PCDHA7: variants seen among roughly 807,000 people sequenced by gnomAD.
PCDHA7 encodes protocadherin alpha 7.
PCDHA7 carries 37 observed loss-of-function variants against 57.2 expected under a neutral mutation model. The observed-to-expected ratio is 0.65, with a 90% confidence interval of 0.50 to 0.85. The LOEUF (loss-of-function observed/expected upper bound fraction) is 0.85, where lower values mean the gene tolerates loss of function less well. Ranked by LOEUF, PCDHA7 falls within the 40% of genes least tolerant of loss-of-function variation. The pLI, the probability that PCDHA7 is intolerant of heterozygous loss-of-function variation, is 0.00. For missense variants in PCDHA7, 1,188 were observed against 1,241.8 expected (o/e 0.96, Z 0.65); for synonymous variants, 553 against 558.8 (o/e 0.99, Z 0.15).
intron 1 of PCDHA7, chr5:140,864,760 T>C (rs1282604676): frequency 6.6e-6 from 1 of 152,230 alleles, no homozygotes; most frequent in Non-Finnish European, 1.5e-5. Flanking sequence ...TCATTTTTCT[T>C]TCATTTTTGG....
intron 1 of PCDHA7, chr5:140,865,687 A>G (rs924237080): frequency 3.3e-5 from 5 of 152,204 alleles, no homozygotes; most frequent in African/African-American, 1.2e-4. Flanking sequence ...AGTACATATG[A>G]CTGTTCCAAT....
chr5:140,843,680 G>T, intron 1 of PCDHA7: 1 of 1,588,882 alleles, frequency 6.3e-7, no homozygotes, highest in East Asian at 2.2e-5. Flanking sequence ...TGATGTAGGC[G>T]AAGAGCAAGA....
chr5:140,989,517 G>A (rs782479733), intron 3 of PCDHA7, among the ~76,000 whole-genome samples: 4 of 152,186 alleles, frequency 2.6e-5, no homozygotes, highest in Non-Finnish European at 5.9e-5. Flanking sequence ...CCTGAGTTGA[G>A]GGCAGAGGAG....
chr5:140,922,726 C>T lies in PCDHA7; in HGVS notation c.2356-56223C>T, dbSNP rs118091551. On this transcript the variant is annotated intron_variant, in intron 1 of 3. Coordinates refer to ENST00000525929, the MANE Select transcript of PCDHA7 (RefSeq NM_018910.3). ...GTCAAGAACAAAAAGAAACACTTGA[C>T]AAGGTTGAGAAAAATAAATGGAAAA... is the stretch of plus-strand genomic sequence containing the variant. 6.6e-5 allele frequency among the ~76,000 whole-genome samples: 10 copies of T among 152,012 alleles called. No homozygotes were observed. The East Asian group carries it at 1.9e-3, about 29-fold the overall frequency.
chr5:140,981,721 A>G (rs2096948672), intron 2 of PCDHA7, among the ~76,000 whole-genome samples: 1 of 151,112 alleles, frequency 6.6e-6, no homozygotes, highest in Non-Finnish European at 1.5e-5. Context: ...TTCATCCAAC[A>G]AATATTTGAG....
rs185567567 is a variant in PCDHA7, at chr5:140,888,396, T to C, written c.2355+51658T>C. 3.4e-3 allele frequency among the ~76,000 whole-genome samples: 514 copies of C among 152,282 alleles called. 3 individuals are homozygous for C. The highest frequency in any genetic ancestry group is 0.014 in the Middle Eastern group (4 of 294). On this transcript the variant is annotated intron_variant, in intron 1 of 3. Coordinates refer to ENST00000525929, the MANE Select transcript of PCDHA7 (RefSeq NM_018910.3). The stretch of plus-strand genomic sequence containing the variant: ...AGCTCTGAGATGCTGCTAAACACCA[T>C]CCAATTGCTGCCAAACATCCTACCG...
intron 1 of PCDHA7, among the ~76,000 whole-genome samples, chr5:140,881,137 A>G (rs1554171789): frequency 6.6e-6 from 1 of 152,246 alleles, no homozygotes; most frequent in Non-Finnish European, 1.5e-5. Context: ...AGAGATAGTT[A>G]TAACAATAGA....
intron 1 of PCDHA7, among the ~76,000 whole-genome samples, chr5:140,906,752 G>A (rs1328101001): frequency 6.6e-6 from 1 of 152,152 alleles, no homozygotes; most frequent in Non-Finnish European, 1.5e-5. Context: ...ACAGGGCATG[G>A]TAATACTAAG....
intron 1 of PCDHA7, among the ~76,000 whole-genome samples, chr5:140,913,939 A>G (rs1175115466): frequency 1.3e-5 from 2 of 152,116 alleles, no homozygotes. Flanking sequence ...TCAGAGAAGA[A>G]TCTTGATATG....
intron 1 of PCDHA7, among the ~76,000 whole-genome samples, chr5:140,880,837 A>G (rs2058501881): frequency 1.3e-5 from 2 of 152,230 alleles, no homozygotes; most frequent in African/African-American, 4.8e-5. Flanking sequence ...CATATTTTAA[A>G]TGGTTGACTA....
At chr5:140,886,830 A>G (rs2061165550) in intron 1 of PCDHA7, among the ~76,000 whole-genome samples, 1 of 150,424 alleles carries the variant, frequency 6.6e-6, no homozygotes, top group Non-Finnish European at 1.5e-5. Flanking sequence ...TCGTCTTGAA[A>G]AAAAAAAAAA....
intron 1 of PCDHA7, chr5:140,859,840 A>G (rs989673306): frequency 6.6e-6 from 1 of 152,134 alleles, no homozygotes; most frequent in South Asian, 2.1e-4. Flanking sequence ...TTGTTATTTT[A>G]TCAAATAGGT....
chr5:140,953,101 T>C (rs1297450101), intron 1 of PCDHA7, among the ~76,000 whole-genome samples: 1 of 152,130 alleles, frequency 6.6e-6, no homozygotes, highest in Non-Finnish European at 1.5e-5. Context: ...TGACATGAGA[T>C]TTGGGCAGGG....
At chr5:140,883,551 G>C (rs375469569) in intron 1 of PCDHA7, 16 of 1,614,234 alleles carry the variant, frequency 9.9e-6, no homozygotes, top group Middle Eastern at 1.7e-4. Flanking sequence ...GTGACCGCGC[G>C]GGACGGGGGC....
At chr5:140,951,751 C>T (rs1206749897) in intron 1 of PCDHA7, among the ~76,000 whole-genome samples, 2 of 152,112 alleles carry the variant, frequency 1.3e-5, no homozygotes, top group Non-Finnish European at 2.9e-5. Flanking sequence ...CCTCACCCTC[C>T]GCGAAATCTC....
chr5:140,867,486 A>G (rs2049987159), intron 1 of PCDHA7: 1 of 152,146 alleles, frequency 6.6e-6, no homozygotes, highest in South Asian at 2.1e-4. Context: ...AAGAGTAAAT[A>G]TGAAAAAAGT....
chr5:140,886,043 T>C (rs977275136), intron 1 of PCDHA7, among the ~76,000 whole-genome samples: 3 of 152,168 alleles, frequency 2.0e-5, no homozygotes, highest in Admixed American at 6.5e-5. Context: ...TTTTCCCCAA[T>C]AGTAACATCT....
chr5:141,003,406 G>A (rs2098122557), intron 3 of PCDHA7, among the ~76,000 whole-genome samples: 1 of 152,134 alleles, frequency 6.6e-6, no homozygotes, highest in African/African-American at 2.4e-5. Flanking sequence ...CCGCCTCCCG[G>A]GTTCGAGTGA....
intron 1 of PCDHA7, chr5:140,882,248 CTG>C (rs1554173227): frequency 1.3e-6 from 2 of 1,594,792 alleles, no homozygotes; most frequent in Non-Finnish European, 1.7e-6. Context: ...GCAGATAGCT[CTG>C]AGGTTTTTGG....
Sources: allele counts gnomAD v4.1 joint callset (sites outside exome capture counted in the v4.1 genomes callset), GRCh38; gene constraint gnomAD v4.1.1; transcripts MANE v1.5; gene names NCBI Gene and HGNC (gene_info 2026-07-23, HGNC 2026-07-21).